Variants in AGO3 observed in about 807,000 individuals in gnomAD.
AGO3 encodes the protein argonaute RISC catalytic component 3, also known as protein argonaute-3.
AGO3 carries 16 observed loss-of-function variants against 105.5 expected under a neutral mutation model. That is an observed-to-expected ratio of 0.15 (90% CI 0.10 to 0.23). The LOEUF is 0.23. AGO3 is among the 10% of genes least tolerant of loss of function. AGO3 has a pLI of 1.00. For missense variants in AGO3, 534 were observed against 1,088.0 expected, an observed-to-expected ratio of 0.49 and a Z score of 7.16; for synonymous variants, 340 against 367.3, an observed-to-expected ratio of 0.93 and a Z score of 0.85.
intron 1 of AGO3, among the ~76,000 whole-genome samples, chr1:35,939,940 A>G (rs1332974087): frequency 6.6e-6 from 1 of 152,206 alleles, no homozygotes; most frequent in African/African-American, 2.4e-5. Context: ...TAGTAACTAT[A>G]AAAGTTATGG....
At chr1:36,040,062 A>G in intron 15 of AGO3, 78 bp downstream of exon 15, 1 of 1,439,890 alleles carries the variant, frequency 6.9e-7, no homozygotes, top group Non-Finnish European at 9.4e-7. Flanking sequence ...TTCTAGAGTT[A>G]AAAACCTTGT....
rs936517181 is a variant in AGO3, at chr1:35,931,194, G to T, written c.-233G>T. 16 of 402,134 alleles carry T rather than the reference G, an allele frequency of 4.0e-5. No individual in the cohort carries two copies. Among genetic ancestry groups the T allele is most frequent in the Non-Finnish European group, 6.6e-5 (15 of 227,478 alleles). The allele number at this position is 402,134 out of a possible 1,614,324, so 24.9% of individuals were successfully genotyped here. The stretch of plus-strand genomic sequence containing the variant: ...CAACTTCCGGACGGGACTCCCCTCT[G>T]TCCGCGCCTCACATCTCCCCTTCCT... On this transcript the variant is annotated 5_prime_UTR_variant, in exon 1 of 19. Coordinates refer to ENST00000373191, the MANE Select transcript of AGO3 (RefSeq NM_024852.4).
rs1176304053 is a variant in AGO3 at position 36,059,517 on chromosome 1, A to G, written c.*3772A>G. 1 of 150,660 alleles carries G rather than the reference A, an allele frequency of 6.6e-6. No individual in the cohort carries two copies. The highest frequency in any genetic ancestry group is 1.5e-5 in the Non-Finnish European group (1 of 67,828). 9.3% of individuals were successfully genotyped at this position (150,660 alleles called of 1,614,324 possible). ...TTTGGTCTTCTTTTTTCTGTGATGT[A>G]TCTTACGAGACTGACTGTAAAATAT... On this transcript the variant is annotated 3_prime_UTR_variant, in exon 19 of 19. Transcript: ENST00000373191.
rs187375947 is a variant in AGO3 at position 35,938,438 on chromosome 1, A to G, written c.19+6993A>G. Among the ~76,000 whole-genome samples, 6 of 152,326 alleles carry G rather than the reference A, an allele frequency of 3.9e-5. No homozygotes were observed. In the East Asian group the frequency reaches 9.6e-4, roughly 24 times the overall value. ...AACTCTTTCTTGTATATCTTCCCAGACATCCATCCGTCTGTCCATATATTT... is the reference window on the plus strand; with the variant it reads ...AACTCTTTCTTGTATATCTTCCCAGGCATCCATCCGTCTGTCCATATATTT... On this transcript the variant is annotated intron_variant, in intron 1 of 18. Coordinates refer to ENST00000373191, the MANE Select transcript of AGO3 (RefSeq NM_024852.4).
intron 3 of AGO3, among the ~76,000 whole-genome samples, chr1:35,970,733 A>G (rs531299252): frequency 6.7e-6 from 1 of 148,728 alleles, no homozygotes; most frequent in African/African-American, 2.5e-5. Flanking sequence ...CCCTTTGTTT[A>G]TTTATTTATT....
chr1:36,009,872 CTAAAA>C (rs1640509274), intron 9 of AGO3, among the ~76,000 whole-genome samples: 1 of 151,372 alleles, frequency 6.6e-6, no homozygotes, highest in Non-Finnish European at 1.5e-5. Context: ...GAACCTCCAC[CTAAAA>C]GAGGTGGGAA....
chr1:36,027,837 G>A lies in AGO3; in HGVS notation c.1591+539G>A, dbSNP rs1641579664. Among the ~76,000 whole-genome samples the A allele has an allele frequency of 6.6e-6, 1 of 151,582 alleles. No individual in the cohort carries two copies. The highest frequency in any genetic ancestry group is 2.4e-5 in the African/African-American group (1 of 41,254). ...GAGGCATTACATAACAATGGCTAAA[G>A]AAAGAATTATTGAATAAAAATGGCA... On this transcript the variant is annotated intron_variant, in intron 12 of 18. Coordinates refer to ENST00000373191, the MANE Select transcript of AGO3 (RefSeq NM_024852.4). This position sits in a 1 kb window ranked among gnomAD's most constrained non-coding sequence, Gnocchi z 4.0.
chr1:36,054,930 A>C lies in AGO3; in HGVS notation c.2275-16A>C, dbSNP rs1278447339. 1.2e-6 allele frequency: 2 copies of C among 1,611,414 alleles called. No individual in the cohort carries two copies. The highest frequency in any genetic ancestry group is 4.5e-5 in the East Asian group (2 of 44,850). ...AGTTCAAAATTCAACAGTGTATGTC[A>C]TTGCCTTCTCTATAGGGTACCAGTC... On this transcript the variant is annotated splice_polypyrimidine_tract_variant and intron_variant, in intron 17 of 18. Transcript: ENST00000373191.
At chr1:35,992,256 CCTT>C (rs1299143727) in intron 5 of AGO3, 1 of 152,274 alleles carries the variant, frequency 6.6e-6, no homozygotes. Context: ...TGTCTGGCAT[CCTT>C]CTTCCAGGGA....
In AGO3 at chr1:36,059,017, T is replaced by A. The variant is rs965184996; in HGVS notation, c.*3272T>A. On this transcript the variant is annotated 3_prime_UTR_variant, in exon 19 of 19. Coordinates refer to ENST00000373191, the MANE Select transcript of AGO3 (RefSeq NM_024852.4). ...CTTTAGGGAATGACTGTAGATACCC[T>A]TTCTCTATGTACTCTCTCACCTAAT... The A allele has an allele frequency of 3.3e-5, 5 of 152,180 alleles. No homozygotes were observed. Among genetic ancestry groups the A allele is most frequent in the Middle Eastern group, 3.2e-3 (1 of 316 alleles). The allele number at this position is 152,180 out of a possible 1,614,324, so 9.4% of individuals were successfully genotyped here. A position where few individuals can be genotyped will look rare whatever the true frequency, so the allele number is the denominator to read the frequency against.
chr1:36,009,774 G>GT (rs1468807625), intron 9 of AGO3, among the ~76,000 whole-genome samples, 180 bp downstream of exon 9: 3 of 152,056 alleles, frequency 2.0e-5, no homozygotes, highest in South Asian at 2.1e-4. Context: ...TATGAGAAGG[G>GT]TTAGGTCCTT....
At position 36,067,641 on chromosome 1, in the gene AGO3, G is replaced by A. The variant is rs1262527955; in HGVS notation, c.*11896G>A. ...ATTACAATAAGGAAATTAAATGAAG[G>A]ATTTATCTTTAATAGAGCCAGGCAT... is the stretch of plus-strand genomic sequence containing the variant. On this transcript the variant is annotated 3_prime_UTR_variant, in exon 19 of 19. Transcript: ENST00000373191. 6.6e-6 allele frequency: 1 copy of A among 151,968 alleles called. No homozygotes were observed. Among genetic ancestry groups the A allele is most frequent in the Non-Finnish European group, 1.5e-5 (1 of 67,996 alleles). 9.4% of individuals were successfully genotyped at this position (151,968 alleles called of 1,614,324 possible). A position where few individuals can be genotyped will look rare whatever the true frequency, so the allele number is the denominator to read the frequency against.
rs1643019384 is a variant in AGO3 at position 36,060,915 on chromosome 1, G to C, written c.*5170G>C. 6.6e-6 allele frequency: 1 copy of C among 152,176 alleles called. No homozygotes were observed. The highest frequency in any genetic ancestry group is 6.6e-5 in the Admixed American group (1 of 15,266). The allele number at this position is 152,176 out of a possible 1,614,324, so 9.4% of individuals were successfully genotyped here. On this transcript the variant is annotated 3_prime_UTR_variant, in exon 19 of 19. Transcript: ENST00000373191. ...TCAAGTAACGCCTTCCTGTGTAGCA[G>C]TATAACCCTAATTTAGAACTCTTGT...
chr1:36,010,243 C>A (rs937208833), intron 9 of AGO3, among the ~76,000 whole-genome samples: 3 of 152,030 alleles, frequency 2.0e-5, no homozygotes, highest in South Asian at 4.2e-4. Flanking sequence ...CCGGCCAATA[C>A]TAAAATTCTT....
chr1:36,040,480 C>T (rs1385739821), intron 16 of AGO3, 39 bp downstream of exon 16: 2 of 1,608,766 alleles, frequency 1.2e-6, no homozygotes, highest in South Asian at 1.1e-5. Context: ...ATAAACCAAG[C>T]TTATCCAACA....
At chr1:36,024,483 C>T (rs1641402052) in intron 11 of AGO3, among the ~76,000 whole-genome samples, 1 of 152,022 alleles carries the variant, frequency 6.6e-6, no homozygotes. Flanking sequence ...CTTTAGTTTA[C>T]GTTTTCTGGC....
At position 36,070,581 on chromosome 1, in the gene AGO3, A is replaced by G. The variant is rs900150395; in HGVS notation, c.*14836A>G. On this transcript the variant is annotated 3_prime_UTR_variant, in exon 19 of 19. Transcript: ENST00000373191. ...AGAAAAAAGGATGCATTTTAGGTAC[A>G]CAGGGTATGGACGCATTCAACATTT... is the stretch of plus-strand genomic sequence containing the variant. 3 of 152,220 alleles carry G rather than the reference A, an allele frequency of 2.0e-5. No individual in the cohort carries two copies. Among genetic ancestry groups the G allele is most frequent in the Non-Finnish European group, 4.4e-5 (3 of 68,042 alleles). The allele number at this position is 152,220 out of a possible 1,614,324, so 9.4% of individuals were successfully genotyped here. A position where few individuals can be genotyped will look rare whatever the true frequency, so the allele number is the denominator to read the frequency against.
chr1:35,995,209 A>AAATATATATATATATATATATAT (rs1237315557), intron 5 of AGO3, among the ~76,000 whole-genome samples: 2 of 114,736 alleles, frequency 1.7e-5, no homozygotes, highest in African/African-American at 7.5e-5. Flanking sequence ...TAAAAAAAAA[A>AAATATATATATATATATATATAT]ATATATATAT....
At chr1:35,981,145 T>G (rs1392766690) in intron 5 of AGO3, among the ~76,000 whole-genome samples, 1 of 152,224 alleles carries the variant, frequency 6.6e-6, no homozygotes, top group Non-Finnish European at 1.5e-5. Flanking sequence ...AAGTAGGGTT[T>G]TAATTTTCCT....
Sources: gnomAD v4.1 joint callset for allele counts (sites outside exome capture counted in the v4.1 genomes callset) on GRCh38, gnomAD v4.1.1 for gene constraint, Gnocchi (gnomAD v3.1) non-coding constraint, MANE v1.5 for transcripts, NCBI Gene and HGNC (gene_info 2026-07-23, HGNC 2026-07-21) for gene names.